Variants in MCPH1 observed in about 807,000 individuals in gnomAD.
MCPH1 encodes the protein microcephalin 1, also known as microcephalin.
In MCPH1, 104 loss-of-function variants were observed where a neutral mutation model predicts 84.5. The ratio of observed to expected loss-of-function variants is 1.23; its 90% CI spans 1.05 to 1.45. MCPH1 has a LOEUF of 1.45. MCPH1 is among the 40% of genes most tolerant of loss of function. The probability of loss-of-function intolerance (pLI) is 0.00; values close to 1 mark genes in which losing one functional copy is unlikely to be tolerated. For missense variants in MCPH1, 1,498 were observed against 1,005.7 expected, an observed-to-expected ratio of 1.49 and a Z score of -6.62; for synonymous variants, 514 against 366.8, an observed-to-expected ratio of 1.40 and a Z score of -4.58.
intron 12 of MCPH1, among the ~76,000 whole-genome samples, chr8:6,512,193 C>T (rs187858054): frequency 4.6e-5 from 7 of 152,272 alleles, no homozygotes; most frequent in Non-Finnish European, 1.0e-4. Context: ...AAACATGCTT[C>T]TGAATTTTCA....
intron 9 of MCPH1, among the ~76,000 whole-genome samples, chr8:6,464,930 T>C (rs111712461): frequency 0.1 from 15,510 of 151,280 alleles, 906 homozygotes; most frequent in Middle Eastern, 0.23. Context: ...ACCCAGGAGG[T>C]AGAGGTTGCA....
intron 12 of MCPH1, among the ~76,000 whole-genome samples, chr8:6,601,086 C>A (rs1829322475): frequency 6.6e-6 from 1 of 152,110 alleles, no homozygotes; most frequent in Non-Finnish European, 1.5e-5. Context: ...GCAGCCAGCA[C>A]CTGGAGATGA....
At chr8:6,486,191 C>A (rs796692841) in intron 11 of MCPH1, among the ~76,000 whole-genome samples, 4 of 152,076 alleles carry the variant, frequency 2.6e-5, no homozygotes, top group African/African-American at 7.2e-5. Context: ...TTCACAGTTC[C>A]AATTTCTTTT....
At chr8:6,531,407 G>A (rs1819488120) in intron 12 of MCPH1, among the ~76,000 whole-genome samples, 1 of 151,380 alleles carries the variant, frequency 6.6e-6, no homozygotes, top group Admixed American at 6.6e-5. Context: ...TCCTGCCTCA[G>A]CCTCCCAAGT....
intron 10 of MCPH1, 134 bp downstream of exon 10, chr8:6,477,765 T>A (rs1488591610): frequency 6.6e-6 from 5 of 752,692 alleles, no homozygotes; most frequent in Non-Finnish European, 1.2e-5. Flanking sequence ...AATATCTGAG[T>A]TAGAAGATCA....
intron 9 of MCPH1, among the ~76,000 whole-genome samples, chr8:6,467,121 G>C (rs867586032): frequency 1.3e-5 from 2 of 152,106 alleles, no homozygotes; most frequent in Non-Finnish European, 1.5e-5. Context: ...AAAATTATGA[G>C]GTATTTAAAA....
At chr8:6,495,996 T>G (rs1811179589) in intron 11 of MCPH1, among the ~76,000 whole-genome samples, 1 of 152,178 alleles carries the variant, frequency 6.6e-6, no homozygotes. Flanking sequence ...TTCCAGGGAC[T>G]TGGGGGTTGG....
intron 10 of MCPH1, among the ~76,000 whole-genome samples, chr8:6,479,123 AGACTTGGTGGT>A (rs1399727095): frequency 1.3e-5 from 2 of 152,172 alleles, no homozygotes; most frequent in Admixed American, 6.5e-5. Context: ...AAAGTTAGCC[AGACTTGGTGGT>A]GAATTGCCTA....
In MCPH1 at chr8:6,646,069, T is replaced by A. The variant is rs1798203605; in HGVS notation, c.*3020T>A. ...CCTCTAGTAGACAAAACAATTTTTT[T>A]AAGAGCAAAGTTGGAGGATTTATAG... On this transcript the variant is annotated 3_prime_UTR_variant, in exon 14 of 14. Transcript: ENST00000344683. 6.6e-6 allele frequency: 1 copy of A among 152,194 alleles called. No homozygotes were observed. The highest frequency in any genetic ancestry group is 6.6e-5 in the Admixed American group (1 of 15,266). 9.4% of individuals were successfully genotyped at this position (152,194 alleles called of 1,614,324 possible).
chr8:6,575,121 C>T (rs1276976435), intron 12 of MCPH1, among the ~76,000 whole-genome samples: 2 of 152,090 alleles, frequency 1.3e-5, no homozygotes, highest in Non-Finnish European at 2.9e-5. Context: ...ATGAGACTTC[C>T]GGTTAGAGTT....
At chr8:6,430,660 G>C (rs975205730) in intron 3 of MCPH1, among the ~76,000 whole-genome samples, 5 of 152,184 alleles carry the variant, frequency 3.3e-5, no homozygotes, top group Non-Finnish European at 7.3e-5. Flanking sequence ...GTTAGATGTT[G>C]AACGGTGATA....
intron 4 of MCPH1, among the ~76,000 whole-genome samples, chr8:6,432,712 A>G (rs554800960): frequency 1.2e-4 from 19 of 152,316 alleles, no homozygotes; most frequent in African/African-American, 4.3e-4. Flanking sequence ...ATAGTAAATG[A>G]TATTTCTTCG....
intron 9 of MCPH1, among the ~76,000 whole-genome samples, chr8:6,456,657 CTTT>C (rs35818409): frequency 2.8e-5 from 4 of 144,836 alleles, no homozygotes; most frequent in African/African-American, 1.0e-4. Flanking sequence ...CCATGTCTGG[CTTT>C]TTTTTTTTTT....
chr8:6,562,737 C>T, intron 12 of MCPH1: 1 of 1,613,918 alleles, frequency 6.2e-7, no homozygotes, highest in South Asian at 1.1e-5. Context: ...GCGCGTCCCT[C>T]TGCACAGCAT....
At chr8:6,411,105 T>C (rs1280067667) in intron 2 of MCPH1, among the ~76,000 whole-genome samples, 1 of 151,932 alleles carries the variant, frequency 6.6e-6, no homozygotes, top group African/African-American at 2.4e-5. Flanking sequence ...ACCAAAAAAA[T>C]AGGCACTAGT....
At chr8:6,523,489 A>C (rs1461275280) in intron 12 of MCPH1, among the ~76,000 whole-genome samples, 1 of 152,270 alleles carries the variant, frequency 6.6e-6, no homozygotes, top group Non-Finnish European at 1.5e-5. Context: ...CAGAGGAAAC[A>C]AATCCAAGAG....
intron 12 of MCPH1, among the ~76,000 whole-genome samples, chr8:6,585,896 T>C (rs190581269): frequency 7.6e-4 from 116 of 152,346 alleles, no homozygotes; most frequent in African/African-American, 2.8e-3. Context: ...CACCTCCTTG[T>C]GTTAACCCAA....
At chr8:6,473,620 C>T (rs774921545) in intron 9 of MCPH1, among the ~76,000 whole-genome samples, 5 of 152,110 alleles carry the variant, frequency 3.3e-5, no homozygotes, top group African/African-American at 4.8e-5. Context: ...CGTGAGCCAC[C>T]GCGCCCAGCC....
Position 6,643,222 on chromosome 8 carries a change from C to A in MCPH1, c.*173C>A. On this transcript the variant is annotated 3_prime_UTR_variant, in exon 14 of 14. Coordinates refer to ENST00000344683, the MANE Select transcript of MCPH1 (RefSeq NM_024596.5). ...GAACTCATAGGTGACTTTCTGATGACTGAATGTCTGTTTCAGAGACGCTTC... is the reference window on the plus strand; with the variant it reads ...GAACTCATAGGTGACTTTCTGATGAATGAATGTCTGTTTCAGAGACGCTTC... 1 of 675,384 alleles carries A rather than the reference C, an allele frequency of 1.5e-6. No homozygotes were observed. The highest frequency in any genetic ancestry group is 2.7e-6 in the Non-Finnish European group (1 of 374,360). The allele number at this position is 675,384 out of a possible 1,614,324, so 41.8% of individuals were successfully genotyped here.
Sources: gnomAD v4.1 joint callset for allele counts (sites outside exome capture counted in the v4.1 genomes callset) on GRCh38, gnomAD v4.1.1 for gene constraint, MANE v1.5 for transcripts, NCBI Gene and HGNC (gene_info 2026-07-23, HGNC 2026-07-21) for gene names.